Variants in TEAD1 observed in about 807,000 individuals in gnomAD.
TEAD1 encodes transcriptional enhancer factor TEF-1.
TEAD1 carries 9 observed loss-of-function variants against 54.9 expected under a neutral mutation model. The ratio of observed to expected loss-of-function variants is 0.16; its 90% CI spans 0.10 to 0.29. The LOEUF (loss-of-function observed/expected upper bound fraction) is 0.29, where lower values mean the gene tolerates loss of function less well. Ranked by LOEUF, TEAD1 falls within the 10% of genes least tolerant of loss-of-function variation. The pLI is 1.00. For missense variants in TEAD1, 387 were observed against 535.9 expected, an observed-to-expected ratio of 0.72 and a Z score of 2.74; for synonymous variants, 200 against 187.8, an observed-to-expected ratio of 1.07 and a Z score of -0.53.
At chr11:12,703,532 A>G (rs1435046448) in intron 2 of TEAD1, among the ~76,000 whole-genome samples, 2 of 151,986 alleles carry the variant, frequency 1.3e-5, no homozygotes, top group Non-Finnish European at 2.9e-5. Context: ...TCCCTCCTTT[A>G]CCTGGAGGGA....
At chr11:12,781,966 A>T (rs564354331) in intron 3 of TEAD1, among the ~76,000 whole-genome samples, 1 of 142,108 alleles carries the variant, frequency 7.0e-6, no homozygotes, top group East Asian at 2.0e-4. Context: ...AAAAAAAAAA[A>T]AAAAAGAAAG....
At chr11:12,937,057 G>T in intron 12 of TEAD1, 52 bp from the exon 13 acceptor site, 1 of 1,240,272 alleles carries the variant, frequency 8.1e-7, no homozygotes, top group South Asian at 1.2e-5. Flanking sequence ...ATACACAGAT[G>T]GAATATGTTT....
chr11:12,913,275 T>C (rs1948650799), intron 10 of TEAD1, among the ~76,000 whole-genome samples: 1 of 152,184 alleles, frequency 6.6e-6, no homozygotes, highest in South Asian at 2.1e-4. Context: ...GTTAATTTAC[T>C]TTTTAAATTA....
chr11:12,713,471 G>A (rs1463830731), intron 2 of TEAD1, among the ~76,000 whole-genome samples: 2 of 152,198 alleles, frequency 1.3e-5, no homozygotes, highest in Non-Finnish European at 2.9e-5. Flanking sequence ...ACTAAACATT[G>A]TATTAGTTTG....
chr11:12,797,032 G>A (rs1945944699), intron 3 of TEAD1, among the ~76,000 whole-genome samples: 2 of 152,142 alleles, frequency 1.3e-5, no homozygotes, highest in South Asian at 4.1e-4. Context: ...AGAATGGCGT[G>A]AACCCGGGAG....
At chr11:12,837,061 A>G (rs1270138229) in intron 3 of TEAD1, among the ~76,000 whole-genome samples, 1 of 152,208 alleles carries the variant, frequency 6.6e-6, no homozygotes, top group Non-Finnish European at 1.5e-5. Context: ...ACCCTAGTGT[A>G]TAAAAGCAAA....
At chr11:12,894,153 T>C (rs1948258784) in intron 9 of TEAD1, among the ~76,000 whole-genome samples, 1 of 152,218 alleles carries the variant, frequency 6.6e-6, no homozygotes, top group African/African-American at 2.4e-5. Context: ...AAGTGGATTA[T>C]AATTTTTTTC....
intron 3 of TEAD1, among the ~76,000 whole-genome samples, chr11:12,855,805 C>T (rs1337549653): frequency 2.0e-4 from 30 of 151,684 alleles, no homozygotes; most frequent in Admixed American, 2.0e-3. Context: ...AAGAATTAGC[C>T]AGGTGTGGTG....
intron 10 of TEAD1, among the ~76,000 whole-genome samples, chr11:12,904,392 C>A (rs1948480459): frequency 6.6e-6 from 1 of 152,140 alleles, no homozygotes; most frequent in Admixed American, 6.5e-5. Context: ...TACTTAAAGA[C>A]TTTTCTGATG....
At chr11:12,717,103 G>A (rs4636653) in intron 2 of TEAD1, among the ~76,000 whole-genome samples, 17,425 of 152,188 alleles carry the variant, frequency 0.11, 3,355 homozygotes, top group African/African-American at 0.4. Flanking sequence ...GCCATAAACA[G>A]TCAAGTCTGG....
intron 5 of TEAD1, among the ~76,000 whole-genome samples, chr11:12,876,176 A>C (rs1157160780): frequency 6.6e-6 from 1 of 152,206 alleles, no homozygotes; most frequent in Admixed American, 6.5e-5. Flanking sequence ...ACCTTACTTT[A>C]ACAGAAGAAA....
Position 12,753,936 on chromosome 11 carries a change from T to A in TEAD1, c.-54-10243T>A, listed in dbSNP as rs78706302. Among the ~76,000 whole-genome samples the A allele has an allele frequency of 7.8e-3, 1,187 of 152,334 alleles. 21 individuals carry two copies. Among genetic ancestry groups the A allele is most frequent in the African/African-American group, 0.027 (1,134 of 41,560 alleles). On this transcript the variant is annotated intron_variant, in intron 2 of 12. Coordinates refer to ENST00000527636, the MANE Select transcript of TEAD1 (RefSeq NM_021961.6). The stretch of plus-strand genomic sequence containing the variant: ...TATTGTGTGTGGTGGGGTCAATTTT[T>A]ATTTTTTTCGTATGGCTATCAATCA...
intron 3 of TEAD1, among the ~76,000 whole-genome samples, chr11:12,853,469 T>A (rs1808389322): frequency 6.6e-6 from 1 of 152,050 alleles, no homozygotes; most frequent in South Asian, 2.1e-4. Flanking sequence ...GAAAGAAAAA[T>A]GATCAGAGGC....
intron 3 of TEAD1, among the ~76,000 whole-genome samples, chr11:12,825,728 G>A (rs180673957): frequency 1.3e-5 from 2 of 152,060 alleles, no homozygotes; most frequent in East Asian, 3.9e-4. Context: ...AAAAAGATTA[G>A]GGGTCTTATA....
At chr11:12,844,959 C>CTTTTTTTTTTTTT in intron 3 of TEAD1, among the ~76,000 whole-genome samples, 1 of 64,658 alleles carries the variant, frequency 1.5e-5, no homozygotes, top group Non-Finnish European at 2.6e-5. Context: ...TGTATGAAAT[C>CTTTTTTTTTTTTT]TTTTTTTTTT....
intron 2 of TEAD1, among the ~76,000 whole-genome samples, chr11:12,739,218 A>G (rs1056305725): frequency 9.2e-5 from 13 of 141,904 alleles, no homozygotes; most frequent in Middle Eastern, 3.4e-3. Context: ...CTATCTATCT[A>G]TCTGTCTATC....
At chr11:12,812,825 T>C (rs1946332548) in intron 3 of TEAD1, among the ~76,000 whole-genome samples, 2 of 152,088 alleles carry the variant, frequency 1.3e-5, no homozygotes, top group Admixed American at 1.3e-4. Flanking sequence ...CCAGAGTAAA[T>C]CACCCCTAAT....
chr11:12,920,572 A>C (rs1247781000), intron 10 of TEAD1, among the ~76,000 whole-genome samples: 4 of 152,128 alleles, frequency 2.6e-5, no homozygotes, highest in Non-Finnish European at 5.9e-5. Context: ...TCCTGGGCTT[A>C]AGCGAGCCTC....
At chr11:12,770,871 C>T (rs1042229524) in intron 3 of TEAD1, among the ~76,000 whole-genome samples, 1 of 152,218 alleles carries the variant, frequency 6.6e-6, no homozygotes, top group Non-Finnish European at 1.5e-5. Context: ...ATGAGACAGA[C>T]AGACTTAGCT....
Sources: gnomAD v4.1 joint callset for allele counts (sites outside exome capture counted in the v4.1 genomes callset) on GRCh38, gnomAD v4.1.1 for gene constraint, MANE v1.5 for transcripts, NCBI Gene and HGNC (gene_info 2026-07-23, HGNC 2026-07-21) for gene names.